MYL5: variants seen among roughly 807,000 people sequenced by gnomAD.
The protein encoded by MYL5 is myosin light chain 5, also known as myosin regulatory light chain 5.
MYL5 carries 28 observed loss-of-function variants against 20.8 expected under a neutral mutation model. That is an observed-to-expected ratio of 1.35 (90% confidence interval 1.00 to 1.84). The LOEUF (loss-of-function observed/expected upper bound fraction) is 1.84, where lower values mean the gene tolerates loss of function less well. Ranked by LOEUF, MYL5 falls within the 40% of genes most tolerant of loss-of-function variation. MYL5 has a pLI of 0.00. For synonymous variants in MYL5, 118 were observed against 87.4 expected, an observed-to-expected ratio of 1.35 and a Z score of -1.95; for missense variants, 274 against 227.3, an observed-to-expected ratio of 1.21 and a Z score of -1.32.
upstream of MYL5, chr4:675,259 G>C (rs1738750488): frequency 6.6e-6 from 1 of 152,416 alleles, no homozygotes; most frequent in African/African-American, 2.4e-5. Flanking sequence ...CACCAGGCTT[G>C]GAGTCTAGGC....
intron 2 of MYL5, 40 bp from the exon 5 acceptor site, chr4:678,918 G>C (rs1440010367): frequency 1.2e-6 from 2 of 1,611,972 alleles, no homozygotes; most frequent in African/African-American, 2.7e-5. Context: ...GCAGAGCCCA[G>C]CCGGGTTGGC....
intron 5 of MYL5, chr4:680,872 T>C (rs1001333124): frequency 6.2e-6 from 4 of 647,268 alleles, no homozygotes; most frequent in Non-Finnish European, 1.1e-5. Flanking sequence ...GGCGCTGGCC[T>C]GTAACCTCCT....
chr4:680,671 C>T, intron 5 of MYL5, 84 bp downstream of exon 7: 1 of 1,397,690 alleles, frequency 7.2e-7, no homozygotes. Context: ...AGTCAGCCAC[C>T]AGATGCCACG....
chr4:681,546 T>C (rs1739544229), intron 6 of MYL5, among the ~76,000 whole-genome samples: 1 of 127,000 alleles, frequency 7.9e-6, no homozygotes, highest in Non-Finnish European at 1.6e-5. Context: ...TCCCCGACGC[T>C]GCTGAAGGGC....
upstream of MYL5, among the ~76,000 whole-genome samples, chr4:676,686 C>T (rs909830647): frequency 6.6e-6 from 1 of 152,188 alleles, no homozygotes; most frequent in Non-Finnish European, 1.5e-5. Context: ...CATGCTTCCC[C>T]CCTCGGTGTG....
At chr4:678,529 G>C (rs528153509) in intron 1 of MYL5, 129 bp from the exon 4 acceptor site, 16 of 1,461,062 alleles carry the variant, frequency 1.1e-5, no homozygotes, top group South Asian at 1.4e-5. Flanking sequence ...CTCCTCAGCT[G>C]TCTGGCCCCC....
At position 681,150 on chromosome 4, in the gene MYL5, G is replaced by A. The variant is rs1431685128; in HGVS notation, c.420+10G>A. On this transcript the variant is annotated intron_variant, in intron 6 of 6. Transcript: ENST00000400159. ...GATGACGGCGGAAGAGGTCTGGCCC[G>A]CGGCTTCCCTGCCAAGCCCACGAGG... 1.2e-6 allele frequency: 2 copies of A among 1,602,074 alleles called. No individual in the cohort carries two copies. Among genetic ancestry groups the A allele is most frequent in the Non-Finnish European group, 1.7e-6 (2 of 1,175,378 alleles).
At chr4:681,711 TCCAGCGCCGCC>T (rs1739654964) in intron 6 of MYL5, 171 bp from the exon 9 acceptor site, 1 of 63,766 alleles carries the variant, frequency 1.6e-5, no homozygotes, top group African/African-American at 8.9e-5. Flanking sequence ...CCCCGCCCCC[TCCAGCGCCGCC>T]CCGCCCCCTC....
upstream of MYL5, chr4:674,989 G>T (rs1738734363): frequency 6.6e-6 from 1 of 152,462 alleles, no homozygotes; most frequent in South Asian, 2.0e-4. Context: ...TCCCGAAGAG[G>T]GGCTGGGATC....
exon 6 of MYL5, chr4:681,131 G>A (rs1216191645): frequency 1.2e-6 from 2 of 1,606,636 alleles, no homozygotes; most frequent in Admixed American, 1.7e-5. Flanking sequence ...ACAAGATGAC[G>A]GCGGAAGAGG....
At chr4:680,876 ACCT>A (rs1739404174) in intron 5 of MYL5, 2 of 648,526 alleles carry the variant, frequency 3.1e-6, no homozygotes, top group Non-Finnish European at 5.3e-6. Flanking sequence ...CTGGCCTGTA[ACCT>A]CCTTCCGGCT....
At chr4:680,389 TG>T in intron 4 of MYL5, 119 bp from the exon 7 acceptor site, 1 of 1,069,564 alleles carries the variant, frequency 9.3e-7, no homozygotes, top group Non-Finnish European at 1.4e-6. Flanking sequence ...GGCCACCTTG[TG>T]GGCAGAGGCT....
upstream of MYL5, chr4:675,852 C>G (rs1738796704): frequency 6.6e-6 from 1 of 152,264 alleles, no homozygotes; most frequent in African/African-American, 2.4e-5. Context: ...GGATTGCGCT[C>G]TGGTGAGAAT....
At chr4:678,403 C>T in intron 1 of MYL5, 2 of 1,419,604 alleles carry the variant, frequency 1.4e-6, no homozygotes, top group Non-Finnish European at 1.8e-6. Context: ...TCCCTGACCA[C>T]TGTGCTCTGT....
exon 4 of MYL5, chr4:679,949 A>G (rs1739277341): frequency 6.2e-7 from 1 of 1,613,810 alleles, no homozygotes; most frequent in Non-Finnish European, 8.5e-7. Context: ...GCTGGACGCC[A>G]TGCTCAAAGA....
chr4:676,306 A>C (rs1560150739), upstream of MYL5: 3 of 152,398 alleles, frequency 2.0e-5, no homozygotes. Flanking sequence ...CTGGGGCCCA[A>C]GGTAGGGGGT....
chr4:677,873 C>A, upstream of MYL5: 1 of 1,328,958 alleles, frequency 7.5e-7, no homozygotes, highest in Non-Finnish European at 1.1e-6. Flanking sequence ...CCAAAGCTCA[C>A]TCTGCAGCTG....
intron 1 of MYL5, 85 bp from the exon 4 acceptor site, chr4:678,573 T>C (rs1739095261): frequency 6.6e-7 from 1 of 1,521,796 alleles, no homozygotes; most frequent in African/African-American, 1.4e-5. Context: ...ACCCTTCATC[T>C]GAGTTAAGTC....
chr4:681,216 G>T, intron 6 of MYL5, 76 bp downstream of exon 8: 1 of 1,529,080 alleles, frequency 6.5e-7, no homozygotes, highest in Non-Finnish European at 8.9e-7. Flanking sequence ...GGAGGGGGAC[G>T]CGGAGCCCGA....
Sources: allele counts gnomAD v4.1 joint callset (sites outside exome capture counted in the v4.1 genomes callset), GRCh38; gene constraint gnomAD v4.1.1; transcripts MANE v1.5; gene names NCBI Gene and HGNC (gene_info 2026-07-23, HGNC 2026-07-21).